The following RHOD variants were observed in gnomAD, a reference collection of about 807,000 sequenced individuals.
RHOD encodes ras homolog family member D, also known as rho-related GTP-binding protein RhoD.
In RHOD, 11 loss-of-function variants were observed where a neutral mutation model predicts 16.7. That is an observed-to-expected ratio of 0.66 (90% CI 0.41 to 1.09). The LOEUF (loss-of-function observed/expected upper bound fraction) is 1.09. Ranked by LOEUF, RHOD falls within the 50% of genes least tolerant of loss-of-function variation. The pLI is 0.00. For synonymous variants in RHOD, 124 were observed against 126.3 expected (o/e 0.98, Z 0.12); for missense variants, 271 against 291.7 (o/e 0.93, Z 0.52).
At chr11:67,067,704 AG>A (rs1358059805) in intron 3 of RHOD, among the ~76,000 whole-genome samples, 2 of 152,122 alleles carry the variant, frequency 1.3e-5, no homozygotes, top group Non-Finnish European at 2.9e-5. Flanking sequence ...GGTGACGAGA[AG>A]GGGGCTGATT....
At chr11:67,061,484 T>C (rs1031677719) in intron 1 of RHOD, among the ~76,000 whole-genome samples, 7 of 151,824 alleles carry the variant, frequency 4.6e-5, no homozygotes, top group Non-Finnish European at 8.8e-5. Context: ...AATACAAAAT[T>C]AGCCGGGCGT....
intron 1 of RHOD, among the ~76,000 whole-genome samples, chr11:67,062,739 C>T (rs1565351197): frequency 6.6e-6 from 1 of 152,272 alleles, no homozygotes; most frequent in East Asian, 1.9e-4. Context: ...TCCTGAGTCA[C>T]GGGCAGGTGT....
intron 4 of RHOD, 63 bp downstream of exon 4, chr11:67,070,622 C>T (rs1380148283): frequency 2.5e-6 from 4 of 1,598,558 alleles, no homozygotes; most frequent in Non-Finnish European, 2.6e-6. Flanking sequence ...CTGGATGCCT[C>T]TCAGTGGCAC....
rs752342973 is a variant in RHOD, at chr11:67,066,820, G to T, written c.303G>T (p.Pro101=). The change falls in exon 3 of 5, where the codon CCG becomes CCT. Residue 101 remains proline, a synonymous_variant. Transcript: ENST00000308831. The part of the protein sequence containing the change: ...VLLLCFDVTS[P]NSFDNIFNRW... ...TGCTTTGCTTCGATGTCACCAGCCCGAACAGCTTTGACAACATCTTTAACC... is the reference window on the plus strand; with the variant it reads ...TGCTTTGCTTCGATGTCACCAGCCCTAACAGCTTTGACAACATCTTTAACC... 1 of 1,613,502 alleles carries T rather than the reference G, an allele frequency of 6.2e-7. No homozygotes were observed. The highest frequency in any genetic ancestry group is 1.3e-5 in the African/African-American group (1 of 75,034).
chr11:67,058,058 C>T (rs538082280), intron 1 of RHOD, among the ~76,000 whole-genome samples: 12 of 152,302 alleles, frequency 7.9e-5, no homozygotes, highest in African/African-American at 2.9e-4. Flanking sequence ...GATATTGGCA[C>T]AATCTCAGCT....
chr11:67,063,177 T>A (rs1444003272), intron 1 of RHOD, among the ~76,000 whole-genome samples: 1 of 150,082 alleles, frequency 6.7e-6, no homozygotes, highest in Non-Finnish European at 1.5e-5. Flanking sequence ...ATCGTGTGAG[T>A]CCAGGAGTTC....
Position 67,070,197 on chromosome 11 carries a change from A to G in RHOD, c.331-228A>G, listed in dbSNP as rs563486474. 4.8e-6 allele frequency: 3 copies of G among 622,656 alleles called. No individual in the cohort carries two copies. The Admixed American group carries it at 6.3e-5, about 13-fold the overall frequency. The allele number at this position is 622,656 out of a possible 1,614,324, so 38.6% of individuals were successfully genotyped here. On this transcript the variant is annotated intron_variant, in intron 3 of 4. Coordinates refer to ENST00000308831, the MANE Select transcript of RHOD (RefSeq NM_014578.4). ...TGTGCCTCAGTTACCGCACCTGTACAGTGGGATTGGTTGTGAACTTGCTGC... is the reference window on the plus strand; with the variant it reads ...TGTGCCTCAGTTACCGCACCTGTACGGTGGGATTGGTTGTGAACTTGCTGC...
At position 67,069,070 on chromosome 11, in the gene RHOD, C is replaced by T. The variant is rs141838763; in HGVS notation, c.331-1355C>T. ...GCAACCTCCACCTCCTGGGTTCAAG[C>T]GATTCTCCTGCCTCAGCCTCCCGAG... On this transcript the variant is annotated intron_variant, in intron 3 of 4. Coordinates refer to ENST00000308831, the MANE Select transcript of RHOD (RefSeq NM_014578.4). Among the ~76,000 whole-genome samples, 171 of 151,740 alleles carry T rather than the reference C, an allele frequency of 1.1e-3. 2 individuals are homozygous for T. The highest frequency in any genetic ancestry group is 3.1e-3 in the African/African-American group (128 of 41,390).
chr11:67,069,796 C>A (rs540641423), intron 3 of RHOD, among the ~76,000 whole-genome samples: 2 of 151,642 alleles, frequency 1.3e-5, no homozygotes, highest in African/African-American at 2.4e-5. Flanking sequence ...AGGTTCATGC[C>A]ATTCTCCTGC....
At chr11:67,063,101 G>T (rs1458270570) in intron 1 of RHOD, among the ~76,000 whole-genome samples, 2 of 152,144 alleles carry the variant, frequency 1.3e-5, no homozygotes, top group African/African-American at 4.8e-5. Context: ...GCCCAAACAT[G>T]GGGCACTGGG....
intron 1 of RHOD, among the ~76,000 whole-genome samples, chr11:67,063,129 C>T (rs1488295069): frequency 2.0e-5 from 3 of 151,878 alleles, no homozygotes; most frequent in South Asian, 2.1e-4. Flanking sequence ...TGGTGGCTCA[C>T]CTGTAATCCC....
chr11:67,070,371 A>G, intron 3 of RHOD, 54 bp from the exon 4 acceptor site: 1 of 1,596,076 alleles, frequency 6.3e-7, no homozygotes, highest in Non-Finnish European at 8.6e-7. Flanking sequence ...TGAGAGGGCC[A>G]GAACTCTCCA....
At chr11:67,066,012 G>GGGGGGGGGGT in intron 2 of RHOD, 29 bp downstream of exon 2, 1 of 581,434 alleles carries the variant, frequency 1.7e-6, no homozygotes, top group Non-Finnish European at 3.4e-6. Context: ...GGCAGGGTGG[G>GGGGGGGGGGT]AGGGGCTTCT....
chr11:67,070,204 T>G, intron 3 of RHOD: 1 of 628,356 alleles, frequency 1.6e-6, no homozygotes, highest in East Asian at 3.3e-5. Flanking sequence ...TACAGTGGGA[T>G]TGGTTGTGAA....
At chr11:67,063,461 C>T (rs1265060725) in intron 1 of RHOD, among the ~76,000 whole-genome samples, 3 of 148,144 alleles carry the variant, frequency 2.0e-5, no homozygotes, top group Non-Finnish European at 4.4e-5. Flanking sequence ...CCACTGCACT[C>T]AGGCCTGGGT....
In RHOD at chr11:67,071,671, G is replaced by A. The variant is rs1855033323; in HGVS notation, c.*69G>A. Reference sequence around the variant, plus strand: ...GACCTGCTGCTGAGCTGGCTGGGCTGGACCCGGTCCCTAGGCTGTGACCGC... The same window carrying A: ...GACCTGCTGCTGAGCTGGCTGGGCTAGACCCGGTCCCTAGGCTGTGACCGC... On this transcript the variant is annotated 3_prime_UTR_variant, in exon 5 of 5. Transcript: ENST00000308831. 2 of 1,441,332 alleles carry A rather than the reference G, an allele frequency of 1.4e-6. No individual in the cohort carries two copies. The highest frequency in any genetic ancestry group is 1.8e-6 in the Non-Finnish European group (2 of 1,081,864). The allele number at this position is 1,441,332 out of a possible 1,614,324, so 89.3% of individuals were successfully genotyped here. A position where few individuals can be genotyped will look rare whatever the true frequency, so the allele number is the denominator to read the frequency against.
At chr11:67,070,651 A>C (rs1855018602) in intron 4 of RHOD, 92 bp downstream of exon 4, 1 of 1,499,882 alleles carries the variant, frequency 6.7e-7, no homozygotes. Flanking sequence ...CAGAACGCTC[A>C]GGGTGTAGGT....
At chr11:67,067,510 C>T (rs376223557) in intron 3 of RHOD, among the ~76,000 whole-genome samples, 13 of 152,286 alleles carry the variant, frequency 8.5e-5, no homozygotes, top group East Asian at 5.8e-4. Flanking sequence ...TTATTATTCC[C>T]GGATCCAGTC....
intron 1 of RHOD, among the ~76,000 whole-genome samples, chr11:67,061,113 G>T (rs1854881140): frequency 6.6e-6 from 1 of 152,246 alleles, no homozygotes. Context: ...ATTGTGGAAG[G>T]TGAAGTGGAA....
Sources: gnomAD v4.1 joint callset for allele counts (sites outside exome capture counted in the v4.1 genomes callset) on GRCh38, gnomAD v4.1.1 for gene constraint, MANE v1.5 for transcripts, NCBI Gene and HGNC (gene_info 2026-07-23, HGNC 2026-07-21) for gene names.